Variants in FGL2 observed in about 807,000 individuals in gnomAD.
FGL2 encodes fibroleukin.
In FGL2, 21 loss-of-function variants were observed where a neutral mutation model predicts 36.0. The ratio of observed to expected loss-of-function variants is 0.58; its 90% CI spans 0.41 to 0.84. The LOEUF (loss-of-function observed/expected upper bound fraction) is 0.84, where lower values mean the gene tolerates loss of function less well. Among genes scored for constraint, FGL2 ranks in the 40% least tolerant of loss-of-function variants. The pLI is 0.00. For missense variants in FGL2, 444 were observed against 526.3 expected (o/e 0.84, Z 1.53); for synonymous variants, 183 against 190.7 (o/e 0.96, Z 0.33).
Position 77,198,872 on chromosome 7 carries a change from CAAGTT to C in FGL2, c.613+304_613+308del, listed in dbSNP as rs2150434108. 3 of 409,682 alleles carry C rather than the reference CAAGTT, an allele frequency of 7.3e-6. No homozygotes were observed. The South Asian group carries it at 1.6e-4, about 22-fold the overall frequency. 25.4% of individuals were successfully genotyped at this position (409,682 alleles called of 1,614,324 possible). ...GTTTTCAAACACCTCATTGAAGAGA[CAAGTT>C]AAATGCACTAAAACATCAAGAAATT... is the stretch of plus-strand genomic sequence containing the variant. On this transcript the variant is annotated intron_variant, in intron 1 of 1. Coordinates refer to ENST00000248598, the MANE Select transcript of FGL2 (RefSeq NM_006682.3).
chr7:77,199,742 C>T lies in FGL2; in HGVS notation c.52G>A (p.Gly18Ser), dbSNP rs770148938. 5 of 1,613,942 alleles carry T rather than the reference C, an allele frequency of 3.1e-6. No homozygotes were observed. The highest frequency in any genetic ancestry group is 4.2e-6 in the Non-Finnish European group (5 of 1,180,010). ...WLSSAVLATY[G>S]FLVVANNETE... ...TCATTGTTTGCCACAACCAAAAAACCGTAAGTGGCAAGAACAGCTGAGCTC... is the reference window on the plus strand; with the variant it reads ...TCATTGTTTGCCACAACCAAAAAACTGTAAGTGGCAAGAACAGCTGAGCTC... The change falls in exon 1 of 2, where the codon GGT becomes AGT. Residue 18 changes from glycine (G) to serine (S), a missense_variant. Gly to Ser is a moderately conservative substitution (Grantham distance 56, BLOSUM62 0). Coordinates refer to ENST00000248598, the MANE Select transcript of FGL2 (RefSeq NM_006682.3).
rs143258118 is a variant in FGL2 at position 77,199,476 on chromosome 7, G to A, written c.318C>T (p.Asn106=). ...CQDCKLQADD[N]GDPGRNGLLL... ...ACAGTCCGTTTCTGCCTGGGTCTCC[G>A]TTGTCATCAGCCTGCAGCTTGCAGT... Residue 106 remains asparagine, a synonymous_variant, in exon 1 of 2, where the codon AAC becomes AAT. Transcript: ENST00000248598. 1.4e-4 allele frequency: 220 copies of A among 1,613,956 alleles called. No homozygotes were observed. The highest frequency in any genetic ancestry group is 1.6e-4 in the Non-Finnish European group (194 of 1,180,020).
At chr7:77,198,147 G>C in intron 1 of FGL2, 1 of 985,428 alleles carries the variant, frequency 1.0e-6, no homozygotes, top group Non-Finnish European at 1.2e-6. Context: ...TGGATTCGCA[G>C]TGTGCCAGGT....
Position 77,193,573 on chromosome 7 carries a change from A to G in FGL2, c.*2706T>C, listed in dbSNP as rs1791809534. On this transcript the variant is annotated 3_prime_UTR_variant, in exon 2 of 2. Transcript: ENST00000248598. Reference sequence around the variant, plus strand: ...TTTCTTGGGTAGCTATTCAAAAGTAAAGACCACAAGTTTTGTTGCCCAGAT... The same window carrying G: ...TTTCTTGGGTAGCTATTCAAAAGTAGAGACCACAAGTTTTGTTGCCCAGAT... The G allele has an allele frequency of 6.6e-6, 1 of 152,214 alleles. No individual in the cohort carries two copies. Among genetic ancestry groups the G allele is most frequent in the Non-Finnish European group, 1.5e-5 (1 of 68,020 alleles). 9.4% of individuals were successfully genotyped at this position (152,214 alleles called of 1,614,324 possible). A position where few individuals can be genotyped will look rare whatever the true frequency, so the allele number is the denominator to read the frequency against.
Position 77,196,251 on chromosome 7 carries a change from G to A in FGL2, c.*28C>T, listed in dbSNP as rs756251312. On this transcript the variant is annotated 3_prime_UTR_variant, in exon 2 of 2. Transcript: ENST00000248598. This position sits in a 1 kb window ranked among gnomAD's most constrained non-coding sequence, Gnocchi z 4.2. Reference sequence around the variant, plus strand: ...GGAATTAATTGCCCTATTAGATAACGAATACCTGGAGGAATGAACAGAGTG... The same window carrying A: ...GGAATTAATTGCCCTATTAGATAACAAATACCTGGAGGAATGAACAGAGTG... The A allele has an allele frequency of 9.1e-6, 14 of 1,531,378 alleles. No homozygotes were observed. The highest frequency in any genetic ancestry group is 3.5e-5 in the South Asian group (3 of 85,924). 94.9% of individuals were successfully genotyped at this position (1,531,378 alleles called of 1,614,324 possible).
Position 77,199,721 on chromosome 7 carries a change from T to C in FGL2, c.73A>G (p.Asn25Asp), listed in dbSNP as rs747738881. ...TCATCTTTAATTTCCTCTGTTTCAT[T>C]GTTTGCCACAACCAAAAAACCGTAA... ...ATYGFLVVAN[N>D]ETEEIKDERA... The change falls in exon 1 of 2, where the codon AAT becomes GAT. Residue 25 changes from asparagine to aspartate, a missense_variant. Coordinates refer to ENST00000248598, the MANE Select transcript of FGL2 (RefSeq NM_006682.3). 2 of 1,614,136 alleles carry C rather than the reference T, an allele frequency of 1.2e-6. No homozygotes were observed. Among genetic ancestry groups the C allele is most frequent in the Non-Finnish European group, 1.7e-6 (2 of 1,180,002 alleles).
In FGL2 at chr7:77,199,339, T is replaced by C. The variant is rs746118158; in HGVS notation, c.455A>G (p.Asn152Ser). The stretch of plus-strand genomic sequence containing the variant: ...CTTCTCCAGGCGACCATGAAGTACA[T>C]TGATCTCCTCTTTGGCATTCTTTAG... ...SELKNAKEEI[N>S]VLHGRLEKLN... Residue 152 changes from asparagine (N) to serine (S), a missense_variant, in exon 1 of 2, where the codon AAT becomes AGT. Coordinates refer to ENST00000248598, the MANE Select transcript of FGL2 (RefSeq NM_006682.3). The C allele has an allele frequency of 9.5e-5, 154 of 1,614,124 alleles. 4 individuals carry two copies. The Middle Eastern group carries it at 4.5e-3, about 47-fold the overall frequency.
intron 1 of FGL2, among the ~76,000 whole-genome samples, chr7:77,197,481 C>T (rs940247411): frequency 6.6e-6 from 1 of 152,182 alleles, no homozygotes; most frequent in African/African-American, 2.4e-5. Flanking sequence ...TGGCTGGCAG[C>T]AAAGCTTTGT....
Position 77,199,636 on chromosome 7 carries a change from C to A in FGL2, c.158G>T (p.Gly53Val), listed in dbSNP as rs2075761. Residue 53 changes from glycine to valine, a missense_variant, in exon 1 of 2, where the codon GGG becomes GTG. Gly to Val is a moderately radical substitution (Grantham distance 109, BLOSUM62 -3). Transcript: ENST00000248598. ...LESRGKCEEA[G>V]ECPYQVSLPP... Reference sequence around the variant, plus strand: ...CAGGCTTACCTGGTAGGGGCACTCCCCTGCCTCTTCGCATTTCCCTCTGCT... The same window carrying A: ...CAGGCTTACCTGGTAGGGGCACTCCACTGCCTCTTCGCATTTCCCTCTGCT... The A allele has an allele frequency of 6.2e-7, 1 of 1,614,082 alleles. No homozygotes were observed. Among genetic ancestry groups the A allele is most frequent in the South Asian group, 1.1e-5 (1 of 91,082 alleles).
In FGL2 at chr7:77,199,733, C is replaced by T; in HGVS notation, c.61G>A (p.Val21Ile). 6.2e-7 allele frequency: 1 copy of T among 1,614,070 alleles called. No homozygotes were observed. The highest frequency in any genetic ancestry group is 8.5e-7 in the Non-Finnish European group (1 of 1,179,976). The change falls in exon 1 of 2, where the codon GTT becomes ATT. Residue 21 changes from valine (V) to isoleucine (I), a missense_variant. Val to Ile is a conservative substitution (Grantham distance 29). Transcript: ENST00000248598. ...SAVLATYGFL[V>I]VANNETEEIK... is the part of the protein sequence containing the mutation. ...TCCTCTGTTTCATTGTTTGCCACAACCAAAAAACCGTAAGTGGCAAGAACA... is the reference window on the plus strand; with the variant it reads ...TCCTCTGTTTCATTGTTTGCCACAATCAAAAAACCGTAAGTGGCAAGAACA...
chr7:77,199,669 C>G lies in FGL2; in HGVS notation c.125G>C (p.Arg42Thr). 6.2e-7 allele frequency: 1 copy of G among 1,614,208 alleles called. No individual in the cohort carries two copies. Among genetic ancestry groups the G allele is most frequent in the East Asian group, 2.2e-5 (1 of 44,892 alleles). ...TTCGCATTTCCCTCTGCTTTCTAGTCTCACTGGGCAGACATCCTTTGCTCT... is the reference window on the plus strand; with the variant it reads ...TTCGCATTTCCCTCTGCTTTCTAGTGTCACTGGGCAGACATCCTTTGCTCT... ...DERAKDVCPV[R>T]LESRGKCEEA... The change falls in exon 1 of 2, where the codon AGA (arginine) becomes ACA (threonine). Residue 42 changes from arginine to threonine, a missense_variant. Arg to Thr is a moderately conservative substitution (Grantham distance 71). Transcript: ENST00000248598.
In FGL2 at chr7:77,199,772, A is replaced by C. The variant is rs765149590; in HGVS notation, c.22T>G (p.Trp8Gly). 20 of 1,614,042 alleles carry C rather than the reference A, an allele frequency of 1.2e-5. No homozygotes were observed. The highest frequency in any genetic ancestry group is 7.6e-6 in the Non-Finnish European group (9 of 1,179,928). MKLANWY[W>G]LSSAVLATYG... Reference sequence around the variant, plus strand: ...GTGGCAAGAACAGCTGAGCTCAGCCAGTACCAGTTAGCCAGCTTCATCTTT... The same window carrying C: ...GTGGCAAGAACAGCTGAGCTCAGCCCGTACCAGTTAGCCAGCTTCATCTTT... The change falls in exon 1 of 2, where the codon TGG becomes GGG. Residue 8 changes from tryptophan (W) to glycine (G), a missense_variant. Coordinates refer to ENST00000248598, the MANE Select transcript of FGL2 (RefSeq NM_006682.3).
Position 77,199,288 on chromosome 7 carries a change from A to G in FGL2, c.506T>C (p.Ile169Thr), listed in dbSNP as rs1584064751. 3 of 1,614,098 alleles carry G rather than the reference A, an allele frequency of 1.9e-6. No individual in the cohort carries two copies. The highest frequency in any genetic ancestry group is 2.5e-6 in the Non-Finnish European group (3 of 1,179,982). ...CACTTTGCTGTCAACATAATTTTCT[A>G]TGTTGTTCATATTTACAAGATTCAG... ...EKLNLVNMNN[I>T]ENYVDSKVAN... The change falls in exon 1 of 2, where the codon ATA becomes ACA. Residue 169 changes from isoleucine to threonine, a missense_variant. Coordinates refer to ENST00000248598, the MANE Select transcript of FGL2 (RefSeq NM_006682.3).
Position 77,196,430 on chromosome 7 carries a change from T to C in FGL2, c.1169A>G (p.Asn390Ser). The change falls in exon 2 of 2, where the codon AAT (asparagine) becomes AGT (serine). Residue 390 changes from asparagine (N) to serine (S), a missense_variant. Transcript: ENST00000248598. This position sits in a 1 kb window ranked among gnomAD's most constrained non-coding sequence, Gnocchi z 4.2. Reference protein sequence around the residue: ...WFDACLSANLNGKYYHQKYRG... With the variant: ...WFDACLSANLSGKYYHQKYRG... ...GTATTTTTGGTGATAATATTTGCCATTTAAGTTTGCAGAAAGACATGCATC... is the reference window on the plus strand; with the variant it reads ...GTATTTTTGGTGATAATATTTGCCACTTAAGTTTGCAGAAAGACATGCATC... 1 of 1,614,142 alleles carries C rather than the reference T, an allele frequency of 6.2e-7. No individual in the cohort carries two copies. The highest frequency in any genetic ancestry group is 8.5e-7 in the Non-Finnish European group (1 of 1,180,020).
In FGL2 at chr7:77,199,491, C is replaced by T. The variant is rs762352655; in HGVS notation, c.303G>A (p.Leu101=). The T allele has an allele frequency of 3.1e-6, 5 of 1,614,134 alleles. No homozygotes were observed. The highest frequency in any genetic ancestry group is 4.2e-6 in the Non-Finnish European group (5 of 1,180,004). Residue 101 remains leucine (L), a synonymous_variant, in exon 1 of 2, where the codon CTG becomes CTA. Transcript: ENST00000248598. The part of the protein sequence containing the change: ...SLKKSCQDCK[L]QADDNGDPGR... ...CTGGGTCTCCGTTGTCATCAGCCTG[C>T]AGCTTGCAGTCTTGGCAAGATTTCT... is the stretch of plus-strand genomic sequence containing the variant.
At chr7:77,198,310 C>T (rs918823464) in intron 1 of FGL2, 2 of 985,366 alleles carry the variant, frequency 2.0e-6, no homozygotes, top group Non-Finnish European at 2.4e-6. Context: ...TTCAACCTCA[C>T]GTTCATGGTA....
rs903915900 is a variant in FGL2, at chr7:77,195,779, C to A, written c.*500G>T. 4 of 153,104 alleles carry A rather than the reference C, an allele frequency of 2.6e-5. No individual in the cohort carries two copies. The highest frequency in any genetic ancestry group is 2.9e-5 in the Non-Finnish European group (2 of 68,712). 9.5% of individuals were successfully genotyped at this position (153,104 alleles called of 1,614,324 possible). Reference sequence around the variant, plus strand: ...TCAAGCGATTCTCCTGCCTCAGCCTCCCAAGTAGCTAGGATTACAGGCATG... The same window carrying A: ...TCAAGCGATTCTCCTGCCTCAGCCTACCAAGTAGCTAGGATTACAGGCATG... On this transcript the variant is annotated 3_prime_UTR_variant, in exon 2 of 2. Coordinates refer to ENST00000248598, the MANE Select transcript of FGL2 (RefSeq NM_006682.3).
chr7:77,197,436 C>A (rs1352584647), intron 1 of FGL2, among the ~76,000 whole-genome samples: 1 of 152,216 alleles, frequency 6.6e-6, no homozygotes, highest in Non-Finnish European at 1.5e-5. Context: ...TTCACCTGAG[C>A]TTTAAGTGGC....
intron 1 of FGL2, chr7:77,198,379 T>A: frequency 1.1e-6 from 1 of 938,884 alleles, no homozygotes; most frequent in Non-Finnish European, 1.3e-6. Flanking sequence ...GCAACAGTGG[T>A]CCCAGTGACT....
Sources: allele counts gnomAD v4.1 joint callset (sites outside exome capture counted in the v4.1 genomes callset), GRCh38; gene constraint gnomAD v4.1.1; non-coding constraint Gnocchi (gnomAD v3.1); transcripts MANE v1.5; gene names NCBI Gene and HGNC (gene_info 2026-07-23, HGNC 2026-07-21).